Variants in CPA5 observed in about 807,000 individuals in gnomAD.
CPA5 encodes carboxypeptidase A5, also known as testicular tissue protein Li 32.
Under a neutral mutation model 52.2 loss-of-function variants are expected in CPA5, and 38 were observed. That is an observed-to-expected ratio of 0.73 (90% CI 0.56 to 0.95). The LOEUF is 0.95. Ranked by LOEUF, CPA5 falls within the 40% of genes least tolerant of loss-of-function variation. The pLI, the probability that CPA5 is intolerant of heterozygous loss-of-function variation, is 0.00. For synonymous variants in CPA5, 198 were observed against 213.7 expected (o/e 0.93, Z 0.64); for missense variants, 519 against 566.7 (o/e 0.92, Z 0.86).
downstream of CPA5, among the ~76,000 whole-genome samples, chr7:130,370,182 G>T (rs1326530116): frequency 6.6e-6 from 1 of 152,226 alleles, no homozygotes; most frequent in Non-Finnish European, 1.5e-5. Context: ...CATTGGCTGG[G>T]CATGCAGATG....
intron 5 of CPA5, among the ~76,000 whole-genome samples, chr7:130,356,650 A>G (rs1283241701): frequency 3.3e-5 from 5 of 152,218 alleles, no homozygotes; most frequent in Admixed American, 6.5e-5. Flanking sequence ...AGTTATTTGC[A>G]GTTTGGTGCT....
At chr7:130,361,034 C>G in intron 6 of CPA5, 109 bp from the exon 7 acceptor site, 2 of 717,878 alleles carry the variant, frequency 2.8e-6, no homozygotes, top group Non-Finnish European at 4.9e-6. Flanking sequence ...GTCTAAATAC[C>G]CAAAGCATTG....
At chr7:130,362,394 G>C in intron 7 of CPA5, 44 bp from the exon 8 acceptor site, 1 of 1,428,052 alleles carries the variant, frequency 7.0e-7, no homozygotes, top group South Asian at 1.2e-5. Context: ...GACAGTAGCT[G>C]TCTGAGTTCA....
chr7:130,346,502 G>C lies in CPA5; in HGVS notation c.17G>C (p.Gly6Ala), dbSNP rs1482466555. Residue 6 changes from glycine (G) to alanine (A), a missense_variant, in exon 3 of 13, where the codon GGA becomes GCA. Transcript: ENST00000474905. MQGTP[G>A]GGTRPGPSPV... is the part of the protein sequence containing the mutation. ...GGAAGAAGCATGCAGGGCACCCCTG[G>C]AGGCGGGACGCGCCCTGGGCCATCC... is the stretch of plus-strand genomic sequence containing the variant. 5.0e-6 allele frequency: 8 copies of C among 1,613,212 alleles called. No homozygotes were observed. The highest frequency in any genetic ancestry group is 5.1e-6 in the Non-Finnish European group (6 of 1,179,670).
downstream of CPA5, among the ~76,000 whole-genome samples, chr7:130,370,058 G>T (rs1160261114): frequency 6.6e-6 from 1 of 152,260 alleles, no homozygotes; most frequent in Non-Finnish European, 1.5e-5. Flanking sequence ...GCTGTGGAGA[G>T]CTCTGAGCAA....
At chr7:130,369,012 G>C (rs901135083), downstream of CPA5, among the ~76,000 whole-genome samples, 5 of 152,308 alleles carry the variant, frequency 3.3e-5, no homozygotes, top group Admixed American at 1.3e-4. Context: ...TCTGATGGGG[G>C]CATTTCTGCC....
chr7:130,367,069 G>A (rs912717234), intron 10 of CPA5, among the ~76,000 whole-genome samples: 2 of 152,266 alleles, frequency 1.3e-5, no homozygotes, highest in East Asian at 1.9e-4. Context: ...GACTCTCCTT[G>A]GCGGCTTTCT....
chr7:130,355,648 A>G (rs1450869519), intron 5 of CPA5, among the ~76,000 whole-genome samples: 2 of 152,158 alleles, frequency 1.3e-5, no homozygotes, highest in East Asian at 1.9e-4. Context: ...GCCTCAAGTG[A>G]TCCATCTGCC....
At chr7:130,363,135 C>T in intron 9 of CPA5, 141 bp downstream of exon 9, 2 of 621,572 alleles carry the variant, frequency 3.2e-6, no homozygotes, top group Admixed American at 2.9e-5. Flanking sequence ...TCAGGTACTG[C>T]ACCTGCAGCC....
chr7:130,346,843 C>T (rs781920009), intron 3 of CPA5, among the ~76,000 whole-genome samples: 3 of 151,966 alleles, frequency 2.0e-5, no homozygotes, highest in African/African-American at 7.3e-5. Context: ...CCCCGGGGCT[C>T]CAAGAATCCC....
intron 2 of CPA5, among the ~76,000 whole-genome samples, chr7:130,346,152 G>A (rs1212523086): frequency 6.6e-6 from 1 of 152,220 alleles, no homozygotes. Context: ...GGGTATCCCA[G>A]GGCTGCTGGC....
chr7:130,361,609 C>T (rs1584821290), intron 7 of CPA5, among the ~76,000 whole-genome samples: 1 of 152,088 alleles, frequency 6.6e-6, no homozygotes, highest in East Asian at 1.9e-4. Context: ...ACACAGAAGG[C>T]CCATTTGCTA....
chr7:130,372,799 G>T (rs967431020), downstream of CPA5, among the ~76,000 whole-genome samples: 2 of 152,198 alleles, frequency 1.3e-5, no homozygotes, highest in Non-Finnish European at 2.9e-5. Context: ...GAAGGAGCCA[G>T]CAGAGTCTGC....
At position 130,346,699 on chromosome 7, in the gene CPA5, C is replaced by T. The variant is rs117427621; in HGVS notation, c.116+98C>T. 18,593 of 940,016 alleles carry T rather than the reference C, an allele frequency of 0.02. 252 individuals carry two copies. The highest frequency in any genetic ancestry group is 0.025 in the Non-Finnish European group (14,846 of 595,984). The allele number at this position is 940,016 out of a possible 1,614,324, so 58.2% of individuals were successfully genotyped here. A position where few individuals can be genotyped will look rare whatever the true frequency, so the allele number is the denominator to read the frequency against. On this transcript the variant is annotated intron_variant, in intron 3 of 12. Transcript: ENST00000474905. ...CTGCCCTGCTGGTGCCTGATCAAGG[C>T]GGAGAGTCAGGATGTGGGTTCCTGT...
intron 10 of CPA5, among the ~76,000 whole-genome samples, chr7:130,365,709 C>A (rs1483714002): frequency 6.6e-6 from 1 of 152,214 alleles, no homozygotes; most frequent in African/African-American, 2.4e-5. Flanking sequence ...GAACTAATGG[C>A]CTAAAGTGTT....
intron 6 of CPA5, among the ~76,000 whole-genome samples, 161 bp from the exon 7 acceptor site, chr7:130,360,982 A>G (rs1343726788): frequency 6.6e-6 from 1 of 152,140 alleles, no homozygotes; most frequent in Non-Finnish European, 1.5e-5. Context: ...GGAGTGCTCT[A>G]TTTTTGCAAT....
At chr7:130,371,167 G>A (rs1352024178), downstream of CPA5, among the ~76,000 whole-genome samples, 2 of 152,228 alleles carry the variant, frequency 1.3e-5, no homozygotes, top group South Asian at 2.1e-4. Flanking sequence ...CTGGCCTAGG[G>A]GCAGGAGGCC....
At chr7:130,347,148 G>A (rs934891297) in intron 3 of CPA5, among the ~76,000 whole-genome samples, 5 of 152,144 alleles carry the variant, frequency 3.3e-5, no homozygotes, top group African/African-American at 1.2e-4. Flanking sequence ...CCTCACCCAC[G>A]GTCTCAGAGC....
chr7:130,350,493 G>C (rs1795064813), intron 5 of CPA5, among the ~76,000 whole-genome samples: 1 of 152,196 alleles, frequency 6.6e-6, no homozygotes. Context: ...ACTCCCTCCT[G>C]TTCCCGCTGT....
Sources: gnomAD v4.1 joint callset for allele counts (sites outside exome capture counted in the v4.1 genomes callset) on GRCh38, gnomAD v4.1.1 for gene constraint, MANE v1.5 for transcripts, NCBI Gene and HGNC (gene_info 2026-07-23, HGNC 2026-07-21) for gene names.